The following EXOC6B variants were observed in gnomAD, a reference collection of about 807,000 sequenced individuals.
EXOC6B encodes the protein SEC15 homolog B.
Under a neutral mutation model 113.5 loss-of-function variants are expected in EXOC6B, and 54 were observed. That is an observed-to-expected ratio of 0.48 (90% CI 0.38 to 0.60). The LOEUF is 0.60. Ranked by LOEUF, EXOC6B falls within the 20% of genes least tolerant of loss-of-function variation. EXOC6B has a pLI of 0.00. For synonymous variants in EXOC6B, 357 were observed against 339.0 expected (o/e 1.05, Z -0.58); for missense variants, 797 against 977.5 (o/e 0.82, Z 2.46).
chr2:72,613,400 T>C (rs984679427), intron 6 of EXOC6B, among the ~76,000 whole-genome samples: 5 of 152,000 alleles, frequency 3.3e-5, no homozygotes, highest in Non-Finnish European at 5.9e-5. Context: ...AGGAAGTTAA[T>C]TGAATTAATG....
intron 8 of EXOC6B, among the ~76,000 whole-genome samples, chr2:72,554,797 G>A (rs1038467267): frequency 6.6e-6 from 1 of 151,966 alleles, no homozygotes; most frequent in African/African-American, 2.4e-5. Context: ...GGGTACATGT[G>A]CACAACATGC....
chr2:72,534,524 T>G lies in EXOC6B; in HGVS notation c.916-19398A>C, dbSNP rs188598019. On this transcript the variant is annotated intron_variant, in intron 8 of 21. Transcript: ENST00000272427. ...ATAAATTTTACCTAAGAGGCTTGATTGAGGTAAGGGTTGGATTTAAGGTTT... is the reference window on the plus strand; with the variant it reads ...ATAAATTTTACCTAAGAGGCTTGATGGAGGTAAGGGTTGGATTTAAGGTTT... 3.8e-4 allele frequency among the ~76,000 whole-genome samples: 58 copies of G among 152,262 alleles called. 1 individual carries two copies. The highest frequency in any genetic ancestry group is 3.1e-3 in the Admixed American group (48 of 15,286).
At chr2:72,536,165 C>A (rs1295413974) in intron 8 of EXOC6B, among the ~76,000 whole-genome samples, 1 of 152,056 alleles carries the variant, frequency 6.6e-6, no homozygotes, top group Non-Finnish European at 1.5e-5. Context: ...CATTCATGTC[C>A]CATTTCCAAT....
chr2:72,194,350 A>G (rs1248624164), intron 20 of EXOC6B, among the ~76,000 whole-genome samples: 3 of 152,174 alleles, frequency 2.0e-5, no homozygotes, highest in Non-Finnish European at 2.9e-5. Context: ...GAATGTGAAG[A>G]GAGGAGATTA....
chr2:72,558,708 G>A (rs1444769390), intron 8 of EXOC6B, among the ~76,000 whole-genome samples: 1 of 152,092 alleles, frequency 6.6e-6, no homozygotes, highest in Non-Finnish European at 1.5e-5. Flanking sequence ...GGCGGAGGTT[G>A]TGGTGAGCCA....
intron 18 of EXOC6B, among the ~76,000 whole-genome samples, chr2:72,413,109 C>T (rs1318149935): frequency 6.6e-6 from 1 of 152,044 alleles, no homozygotes; most frequent in Non-Finnish European, 1.5e-5. Flanking sequence ...CAGGCGCCCG[C>T]CACCACGCCC....
rs1004944963 is a variant in EXOC6B, at chr2:72,543,126, C to A, written c.915+16327G>T. On this transcript the variant is annotated intron_variant, in intron 8 of 21. Coordinates refer to ENST00000272427, the MANE Select transcript of EXOC6B (RefSeq NM_015189.3). ...CTGTGCCAAGGCATCATTGTGAGAG[C>A]ACATGGAGTATGGTGTATCTGGCGC... Among the ~76,000 whole-genome samples, 22 of 152,168 alleles carry A rather than the reference C, an allele frequency of 1.4e-4. No homozygotes were observed. The South Asian group carries it at 2.3e-3, about 16-fold the overall frequency.
intron 16 of EXOC6B, among the ~76,000 whole-genome samples, chr2:72,487,603 C>T (rs543081417): frequency 1.2e-4 from 18 of 152,218 alleles, no homozygotes; most frequent in Non-Finnish European, 2.6e-4. Context: ...TCGTGATTCA[C>T]CCGCCTCAGC....
intron 18 of EXOC6B, among the ~76,000 whole-genome samples, chr2:72,387,198 A>G (rs1301573461): frequency 6.6e-6 from 1 of 152,214 alleles, no homozygotes; most frequent in Non-Finnish European, 1.5e-5. Flanking sequence ...ACTTAGGCAC[A>G]GTGTATCTTT....
intron 6 of EXOC6B, among the ~76,000 whole-genome samples, chr2:72,632,206 CAT>C (rs1672516708): frequency 6.6e-6 from 1 of 152,088 alleles, no homozygotes; most frequent in Non-Finnish European, 1.5e-5. Context: ...AGTGGATAAA[CAT>C]GTGTTAAAAC....
intron 18 of EXOC6B, among the ~76,000 whole-genome samples, chr2:72,441,788 G>A (rs1007811920): frequency 4.6e-5 from 7 of 152,172 alleles, no homozygotes; most frequent in African/African-American, 1.7e-4. Context: ...AAAAGCCCAG[G>A]ACCAGACAGA....
At chr2:72,241,078 G>C (rs905057062) in intron 20 of EXOC6B, among the ~76,000 whole-genome samples, 1 of 152,134 alleles carries the variant, frequency 6.6e-6, no homozygotes, top group African/African-American at 2.4e-5. Context: ...GATAAAAACT[G>C]AATATAAAAC....
At chr2:72,213,933 T>C (rs964109905) in intron 20 of EXOC6B, among the ~76,000 whole-genome samples, 61 of 152,138 alleles carry the variant, frequency 4.0e-4, no homozygotes, top group African/African-American at 1.4e-3. Flanking sequence ...TTATGATATT[T>C]TGTTATAGCA....
At chr2:72,435,497 C>T (rs1695797545) in intron 18 of EXOC6B, among the ~76,000 whole-genome samples, 1 of 152,140 alleles carries the variant, frequency 6.6e-6, no homozygotes, top group Admixed American at 6.5e-5. Flanking sequence ...CTAATAGTTA[C>T]AGTGGGGTGT....
At chr2:72,356,845 T>C (rs1395095154) in intron 19 of EXOC6B, among the ~76,000 whole-genome samples, 1 of 152,112 alleles carries the variant, frequency 6.6e-6, no homozygotes, top group Non-Finnish European at 1.5e-5. Flanking sequence ...TGCCCTTGCA[T>C]TGTGGGGCCA....
chr2:72,188,727 CA>C (rs913089216), intron 20 of EXOC6B, among the ~76,000 whole-genome samples: 2 of 152,202 alleles, frequency 1.3e-5, no homozygotes, highest in Non-Finnish European at 2.9e-5. Context: ...CAAGGACACT[CA>C]ATCATCATTA....
chr2:72,241,591 A>C (rs1161922289), intron 20 of EXOC6B, among the ~76,000 whole-genome samples: 3 of 152,144 alleles, frequency 2.0e-5, no homozygotes, highest in East Asian at 3.9e-4. Flanking sequence ...GCAAAGAAAA[A>C]AATCTTAAAA....
At chr2:72,216,605 A>G (rs1288065303) in intron 20 of EXOC6B, among the ~76,000 whole-genome samples, 1 of 152,210 alleles carries the variant, frequency 6.6e-6, no homozygotes, top group African/African-American at 2.4e-5. Flanking sequence ...ATGCACACAT[A>G]TGTTTATTGC....
rs79065955 is a variant in EXOC6B at position 72,596,680 on chromosome 2, T to A, written c.670-21012A>T. On this transcript the variant is annotated intron_variant, in intron 6 of 21. Coordinates refer to ENST00000272427, the MANE Select transcript of EXOC6B (RefSeq NM_015189.3). ...TTTTAACAAAGAGAGAGAGATTTAA[T>A]CATAAGGCTACAGAAAGCTTCCTAC... is the stretch of plus-strand genomic sequence containing the variant. 1.6e-3 allele frequency among the ~76,000 whole-genome samples: 236 copies of A among 152,130 alleles called. 2 individuals are homozygous for A. In the East Asian group the frequency reaches 0.039, roughly 25 times the overall value.
Sources: allele counts gnomAD v4.1 joint callset (sites outside exome capture counted in the v4.1 genomes callset), GRCh38; gene constraint gnomAD v4.1.1; transcripts MANE v1.5; gene names NCBI Gene and HGNC (gene_info 2026-07-23, HGNC 2026-07-21).